The following CELF2 variants were observed in gnomAD, a reference collection of about 807,000 sequenced individuals.
The protein encoded by CELF2 is CUGBP Elav-like family member 2, also known as CUG triplet repeat RNA-binding protein 2.
CELF2 carries 8 observed loss-of-function variants against 62.6 expected under a neutral mutation model. That is an observed-to-expected ratio of 0.13 (90% confidence interval 0.07 to 0.23). The LOEUF is 0.23. Among genes scored for constraint, CELF2 ranks in the 10% least tolerant of loss-of-function variants. The pLI, the probability that CELF2 is intolerant of heterozygous loss-of-function variation, is 1.00. For missense variants in CELF2, 333 were observed against 671.0 expected (o/e 0.50, Z 5.56); for synonymous variants, 258 against 250.0 (o/e 1.03, Z -0.30).
the CELF2 span, among the ~76,000 whole-genome samples, chr10:10,510,586 G>A: frequency 6.6e-6 from 1 of 152,186 alleles, no homozygotes; most frequent in Non-Finnish European, 1.5e-5. Context: ...CTGACAGTGT[G>A]CTTCAGGCTA....
intron 1 of CELF2, among the ~76,000 whole-genome samples, chr10:11,021,928 C>T (rs766643532): frequency 1.1e-4 from 16 of 152,156 alleles, no homozygotes; most frequent in Non-Finnish European, 2.4e-4. Context: ...TAATTTGATT[C>T]CAATTCGGTT....
At chr10:11,283,525 G>A (rs1385426703) in intron 8 of CELF2, among the ~76,000 whole-genome samples, 1 of 150,466 alleles carries the variant, frequency 6.6e-6, no homozygotes, top group Non-Finnish European at 1.5e-5. Flanking sequence ...ATGGATGGGT[G>A]ATAATGGATG....
At chr10:10,868,158 G>C (rs1049592743) in intron 1 of CELF2, among the ~76,000 whole-genome samples, 1 of 152,204 alleles carries the variant, frequency 6.6e-6, no homozygotes, top group Non-Finnish European at 1.5e-5. Flanking sequence ...GCGGTGAAAT[G>C]ACAGTTGATT....
intron 1 of CELF2, among the ~76,000 whole-genome samples, chr10:10,849,393 C>T (rs1250026321): frequency 6.6e-6 from 1 of 151,994 alleles, no homozygotes; most frequent in Non-Finnish European, 1.5e-5. Flanking sequence ...GGTGACAGAG[C>T]AAGACTCCAT....
the CELF2 span, among the ~76,000 whole-genome samples, chr10:10,645,391 G>A: frequency 6.6e-6 from 1 of 152,176 alleles, no homozygotes; most frequent in Non-Finnish European, 1.5e-5. Context: ...GGTGGTTCAT[G>A]CCTATAATCC....
intron 2 of CELF2, among the ~76,000 whole-genome samples, chr10:11,180,867 G>GAGTTTA (rs2073135705): frequency 4.6e-5 from 7 of 151,902 alleles, no homozygotes; most frequent in Admixed American, 3.3e-4. Flanking sequence ...GAATGAATGA[G>GAGTTTA]TTTATTTATT....
At chr10:11,140,836 G>T (rs566787199) in intron 1 of CELF2, among the ~76,000 whole-genome samples, 14 of 152,212 alleles carry the variant, frequency 9.2e-5, no homozygotes, top group Admixed American at 3.9e-4. Flanking sequence ...GGGCAACACA[G>T]CAAGAACCCA....
At chr10:10,632,610 A>G in the CELF2 span, among the ~76,000 whole-genome samples, 2 of 152,214 alleles carry the variant, frequency 1.3e-5, no homozygotes, top group African/African-American at 4.8e-5. Context: ...AATTGTTAAC[A>G]CACTTAGGAA....
chr10:10,846,126 T>C lies in CELF2; in HGVS notation c.53+47309T>C, dbSNP rs896672544. 3 of 985,026 alleles carry C rather than the reference T, an allele frequency of 3.0e-6. No individual in the cohort carries two copies. In the African/African-American group the frequency reaches 5.2e-5, roughly 17 times the overall value. 61.0% of individuals were successfully genotyped at this position (985,026 alleles called of 1,614,324 possible). ...GTTCAAGCAGGAGTAAGCAATTCCT[T>C]TGACGATATTTGGGAACCTCGCTAT... On this transcript the variant is annotated intron_variant, in intron 1 of 13. Coordinates refer to the CELF2 transcript ENST00000636488.
Position 11,110,692 on chromosome 10 carries a change from C to T in CELF2, c.75-54794C>T, listed in dbSNP as rs964762308. ...TGACGTTGAGAGTGTTCTCATGGGT[C>T]GTTGGCATTCTCAGCAGTGCATCAA... is the stretch of plus-strand genomic sequence containing the variant. On this transcript the variant is annotated intron_variant, in intron 1 of 12. Coordinates refer to ENST00000633077, the MANE Select transcript of CELF2 (RefSeq NM_001326342.2). The surrounding 1 kb of genome is among the most constrained non-coding windows in gnomAD (Gnocchi z 4.0). Among the ~76,000 whole-genome samples, 5 of 152,110 alleles carry T rather than the reference C, an allele frequency of 3.3e-5. No individual in the cohort carries two copies. The highest frequency in any genetic ancestry group is 1.3e-4 in the Admixed American group (2 of 15,274).
At chr10:10,967,596 G>A (rs542482093) in intron 2 of CELF2, among the ~76,000 whole-genome samples, 69 of 152,308 alleles carry the variant, frequency 4.5e-4, no homozygotes, top group African/African-American at 1.6e-3. Flanking sequence ...CAGGAAGGTG[G>A]GCGCCAGCCT....
chr10:10,687,994 A>G, the CELF2 span, among the ~76,000 whole-genome samples: 1 of 152,240 alleles, frequency 6.6e-6, no homozygotes, highest in Non-Finnish European at 1.5e-5. Context: ...TGTTCTTTCT[A>G]AAGTACAGAC....
At chr10:10,713,997 C>T in the CELF2 span, among the ~76,000 whole-genome samples, 2 of 151,858 alleles carry the variant, frequency 1.3e-5, no homozygotes, top group African/African-American at 2.4e-5. Flanking sequence ...ATTGCATCGC[C>T]GCACTCCAGC....
the CELF2 span, among the ~76,000 whole-genome samples, chr10:10,587,272 G>A: frequency 0.063 from 9,576 of 152,220 alleles, 987 homozygotes; most frequent in African/African-American, 0.22. Flanking sequence ...ACAAAATGTC[G>A]ATAGGACATG....
rs2092345850 is a variant in CELF2, at chr10:11,290,449, G to A, written c.976+1897G>A. Among the ~76,000 whole-genome samples the A allele has an allele frequency of 6.6e-6, 1 of 151,590 alleles. No individual in the cohort carries two copies. Among genetic ancestry groups the A allele is most frequent in the African/African-American group, 2.4e-5 (1 of 41,256 alleles). ...ACGTTGGGAGGAGTGTGAGCTTGTT[G>A]CAACCTTCTTAAAATGTGGGCTACT... On this transcript the variant is annotated intron_variant, in intron 9 of 12. Coordinates refer to ENST00000633077, the MANE Select transcript of CELF2 (RefSeq NM_001326342.2). This position sits in a 1 kb window ranked among gnomAD's most constrained non-coding sequence, Gnocchi z 4.3.
chr10:10,547,673 T>TAGAGAG, the CELF2 span, among the ~76,000 whole-genome samples: 1,378 of 135,158 alleles, frequency 0.01, 13 homozygotes, highest in East Asian at 0.016. Context: ...ACCAAAAAGA[T>TAGAGAG]AGAGAGAGAG....
At chr10:10,907,832 A>G (rs1354421889) in intron 1 of CELF2, among the ~76,000 whole-genome samples, 1 of 152,222 alleles carries the variant, frequency 6.6e-6, no homozygotes, top group Non-Finnish European at 1.5e-5. Context: ...CATTGAATAC[A>G]CAGATTTGCA....
At chr10:11,184,816 G>A (rs556864073) in intron 2 of CELF2, among the ~76,000 whole-genome samples, 1 of 152,208 alleles carries the variant, frequency 6.6e-6, no homozygotes, top group South Asian at 2.1e-4. Context: ...CTACGTAAAT[G>A]GTCGTGTCAT....
intron 1 of CELF2, among the ~76,000 whole-genome samples, chr10:10,818,537 A>C (rs1254022093): frequency 6.9e-6 from 1 of 144,674 alleles, no homozygotes; most frequent in African/African-American, 2.6e-5. Context: ...AAGCAGCATT[A>C]AATATTTCCT....
Sources: allele counts gnomAD v4.1 joint callset (sites outside exome capture counted in the v4.1 genomes callset), GRCh38; gene constraint gnomAD v4.1.1; non-coding constraint Gnocchi (gnomAD v3.1); transcripts MANE v1.5; gene names NCBI Gene and HGNC (gene_info 2026-07-23, HGNC 2026-07-21).